The following RADIL variants were observed in gnomAD, a reference collection of about 807,000 sequenced individuals.
The protein encoded by RADIL is Rap associating with DIL domain, also known as ras-associating and dilute domain-containing protein.
Under a neutral mutation model 97.6 loss-of-function variants are expected in RADIL, and 99 were observed. That is an observed-to-expected ratio of 1.01 (90% CI 0.86 to 1.20). RADIL has a LOEUF of 1.20. Among genes scored for constraint, RADIL ranks in the 50% most tolerant of loss-of-function variants. The probability of loss-of-function intolerance (pLI) is 0.00; values close to 1 mark genes in which losing one functional copy is unlikely to be tolerated. For synonymous variants in RADIL, 803 were observed against 691.8 expected (o/e 1.16, Z -2.52); for missense variants, 1,765 against 1,498.9 (o/e 1.18, Z -2.93).
At chr7:4,823,114 G>C (rs1430005242) in intron 5 of RADIL, among the ~76,000 whole-genome samples, 2 of 152,102 alleles carry the variant, frequency 1.3e-5, no homozygotes, top group African/African-American at 4.8e-5. Flanking sequence ...TGAATCGCGG[G>C]GTAGCAGGCA....
chr7:4,799,748 C>G lies in RADIL; in HGVS notation c.3004G>C (p.Gly1002Arg). Residue 1002 changes from glycine (G) to arginine (R), a missense_variant, in exon 14 of 15, where the codon GGG becomes CGG. By Grantham distance (125) the Gly-to-Arg change is moderately radical. Transcript: ENST00000399583. ...DGMHTHLGAP[G>R]LYIQTLLPGS... ...GGGAGCAGGGTCTGGATGTAGAGCC[C>G]GGGGGCGCCCAGGTGCGTGTGCTGG... 1 of 1,547,606 alleles carries G rather than the reference C, an allele frequency of 6.5e-7. No homozygotes were observed. Among genetic ancestry groups the G allele is most frequent in the South Asian group, 1.2e-5 (1 of 84,584 alleles).
intron 9 of RADIL, 90 bp from the exon 10 acceptor site, chr7:4,805,806 A>G: frequency 6.7e-7 from 1 of 1,501,738 alleles, no homozygotes; most frequent in Non-Finnish European, 8.9e-7. Context: ...GCCTGGGGGT[A>G]GCCAGCTGAG....
At chr7:4,882,477 G>C (rs2115059407) in intron 1 of RADIL, among the ~76,000 whole-genome samples, 1 of 152,314 alleles carries the variant, frequency 6.6e-6, no homozygotes, top group Admixed American at 6.5e-5. Context: ...TCTCAAGGAA[G>C]GGTCCAGTTT....
intron 2 of RADIL, among the ~76,000 whole-genome samples, chr7:4,865,027 C>T (rs974254963): frequency 2.0e-5 from 3 of 152,236 alleles, no homozygotes; most frequent in Non-Finnish European, 4.4e-5. Context: ...GGCCTTCTTG[C>T]AGTGCCTGCC....
intron 2 of RADIL, among the ~76,000 whole-genome samples, chr7:4,846,750 T>C (rs1288383018): frequency 6.6e-6 from 1 of 151,656 alleles, no homozygotes; most frequent in African/African-American, 2.4e-5. Flanking sequence ...TTCACCATGT[T>C]GGCCAGGCTG....
chr7:4,862,019 G>T, intron 2 of RADIL: 1 of 423,152 alleles, frequency 2.4e-6, no homozygotes. Flanking sequence ...CAGCGGCTGC[G>T]TTCCAGAACC....
chr7:4,835,052 T>G lies in RADIL; in HGVS notation c.971A>C (p.His324Pro), dbSNP rs755885068. The change falls in exon 4 of 15, where the codon CAC becomes CCC. Residue 324 changes from histidine to proline, a missense_variant. By Grantham distance (77) the His-to-Pro change is moderately conservative. Coordinates refer to ENST00000399583, the MANE Select transcript of RADIL (RefSeq NM_018059.5). The surrounding 1 kb of genome is among the most constrained non-coding windows in gnomAD (Gnocchi z 5.8). ...CACCTCGGAGAAGTTGACGGAGATGTGCGCCCCGGGGATGGGCTCCAGGAC... is the reference window on the plus strand; with the variant it reads ...CACCTCGGAGAAGTTGACGGAGATGGGCGCCCCGGGGATGGGCTCCAGGAC... ...RLVLEPIPGA[H>P]ISVNFSEVGH... is the part of the protein sequence containing the mutation. 1 of 1,608,928 alleles carries G rather than the reference T, an allele frequency of 6.2e-7. No individual in the cohort carries two copies. The highest frequency in any genetic ancestry group is 2.2e-5 in the East Asian group (1 of 44,702).
chr7:4,834,908 A>C lies in RADIL; in HGVS notation c.1115T>G (p.Leu372Arg). 2 of 1,530,654 alleles carry C rather than the reference A, an allele frequency of 1.3e-6. No homozygotes were observed. Among genetic ancestry groups the C allele is most frequent in the African/African-American group, 2.7e-5 (2 of 73,182 alleles). 94.8% of individuals were successfully genotyped at this position (1,530,654 alleles called of 1,614,324 possible). ...CCGGCAGCTCTGCGGCACAGCCCGG[A>C]GGCGCGCCAAGGCCCGGGCGGGCAG... Reference protein sequence around the residue: ...QPLPARALARLRAVPQSCRLC... With the variant: ...QPLPARALARRRAVPQSCRLC... Residue 372 changes from leucine to arginine, a missense_variant, in exon 4 of 15, where the codon CTC (leucine) becomes CGC (arginine). Physicochemically the swap from Leu to Arg is moderately radical, Grantham distance 102 (BLOSUM62 -2). Coordinates refer to ENST00000399583, the MANE Select transcript of RADIL (RefSeq NM_018059.5). The surrounding 1 kb of genome is among the most constrained non-coding windows in gnomAD (Gnocchi z 6.0).
At chr7:4,851,958 C>T (rs1419329725) in intron 2 of RADIL, among the ~76,000 whole-genome samples, 1 of 152,168 alleles carries the variant, frequency 6.6e-6, no homozygotes, top group Non-Finnish European at 1.5e-5. Flanking sequence ...CAGGGTGTTC[C>T]TCATATATTT....
rs544361408 is a variant in RADIL, at chr7:4,817,725, G to A, written c.1616-374C>T. ...TCCCCACAGGTCACCTCTCACTCGC[G>A]ACACGGGTCACAGGACTCTGGCAGC... On this transcript the variant is annotated intron_variant, in intron 6 of 14. Coordinates refer to ENST00000399583, the MANE Select transcript of RADIL (RefSeq NM_018059.5). This position sits in a 1 kb window ranked among gnomAD's most constrained non-coding sequence, Gnocchi z 8.3. 7.2e-5 allele frequency among the ~76,000 whole-genome samples: 11 copies of A among 152,276 alleles called. No individual in the cohort carries two copies. Among genetic ancestry groups the A allele is most frequent in the African/African-American group, 2.4e-4 (10 of 41,558 alleles).
intron 2 of RADIL, among the ~76,000 whole-genome samples, chr7:4,851,747 T>C (rs1783714138): frequency 6.6e-6 from 1 of 152,156 alleles, no homozygotes; most frequent in South Asian, 2.1e-4. Context: ...ATTAAAGAAC[T>C]GTTCAGCAAA....
chr7:4,860,394 C>G (rs375018639), intron 2 of RADIL: 1 of 1,613,886 alleles, frequency 6.2e-7, no homozygotes, highest in African/African-American at 1.3e-5. Flanking sequence ...TTACTATTCA[C>G]TGCTTGCCTA....
At position 4,880,514 on chromosome 7, in the gene RADIL, C is replaced by G. The variant is rs146837314; in HGVS notation, c.-64-2311G>C. ...AAACCCCTCAAAGAGCCTCTCCAGC[C>G]GGCACTTATTAACCATCCATGAGAG... is the stretch of plus-strand genomic sequence containing the variant. On this transcript the variant is annotated intron_variant, in intron 1 of 14. Transcript: ENST00000399583. The surrounding 1 kb of genome is among the most constrained non-coding windows in gnomAD (Gnocchi z 4.5). 6.6e-6 allele frequency among the ~76,000 whole-genome samples: 1 copy of G among 152,156 alleles called. No homozygotes were observed. Among genetic ancestry groups the G allele is most frequent in the African/African-American group, 2.4e-5 (1 of 41,440 alleles).
chr7:4,863,625 A>G (rs1388868532), intron 2 of RADIL, among the ~76,000 whole-genome samples: 1 of 152,224 alleles, frequency 6.6e-6, no homozygotes, highest in Non-Finnish European at 1.5e-5. Flanking sequence ...GTAAGAGGAC[A>G]TGTGGTTTTC....
rs548166457 is a variant in RADIL at position 4,807,542 on chromosome 7, CCT to C, written c.2140-1828_2140-1827del. 7.8e-4 allele frequency among the ~76,000 whole-genome samples: 91 copies of C among 117,308 alleles called. 1 individual carries two copies. Among genetic ancestry groups the C allele is most frequent in the African/African-American group, 2.9e-3 (87 of 29,732 alleles). 77.0% of individuals were successfully genotyped at this position (117,308 alleles called of 152,430 possible). On this transcript the variant is annotated intron_variant, in intron 9 of 14. Transcript: ENST00000399583. ...CTCCGTCTCCCCTCCCTCCTCTCTC[CCT>C]CTGTCTCCCCTCCCTCCTCCCTCTC...
At chr7:4,805,762 AC>A in intron 9 of RADIL, 46 bp from the exon 10 acceptor site, 1 of 1,569,852 alleles carries the variant, frequency 6.4e-7, no homozygotes. Flanking sequence ...CTGGGTGCAG[AC>A]CCCAGCCCAA....
Position 4,815,874 on chromosome 7 carries a change from C to T in RADIL, c.1966+354G>A, listed in dbSNP as rs529074398. 3.9e-5 allele frequency among the ~76,000 whole-genome samples: 6 copies of T among 152,262 alleles called. No individual in the cohort carries two copies. In the South Asian group the frequency reaches 6.2e-4, roughly 16 times the overall value. ...AGGCAGGGTCCAAGGCCAGAGTCCGCGGCTGCACAGACCTGGGTTCCATCC... is the reference window on the plus strand; with the variant it reads ...AGGCAGGGTCCAAGGCCAGAGTCCGTGGCTGCACAGACCTGGGTTCCATCC... On this transcript the variant is annotated intron_variant, in intron 8 of 14. Coordinates refer to ENST00000399583, the MANE Select transcript of RADIL (RefSeq NM_018059.5). The surrounding 1 kb of genome is among the most constrained non-coding windows in gnomAD (Gnocchi z 8.0).
chr7:4,866,081 C>T (rs959992393), intron 2 of RADIL, among the ~76,000 whole-genome samples: 8 of 152,124 alleles, frequency 5.3e-5, no homozygotes, highest in African/African-American at 1.9e-4. Context: ...CCATCATTAA[C>T]GATGCATGAC....
chr7:4,813,757 C>T lies in RADIL; in HGVS notation c.2139+1521G>A, dbSNP rs963592987. Among the ~76,000 whole-genome samples the T allele has an allele frequency of 2.0e-5, 3 of 152,228 alleles. No individual in the cohort carries two copies. Among genetic ancestry groups the T allele is most frequent in the East Asian group, 3.8e-4 (2 of 5,200 alleles). On this transcript the variant is annotated intron_variant, in intron 9 of 14. Transcript: ENST00000399583. This position sits in a 1 kb window ranked among gnomAD's most constrained non-coding sequence, Gnocchi z 5.0. ...GACTTTGTGTTTCTTTCCGGCTGTG[C>T]GGGCTGTCCTCAGTGGAACTGCAGG...
Sources: allele counts gnomAD v4.1 joint callset (sites outside exome capture counted in the v4.1 genomes callset), GRCh38; gene constraint gnomAD v4.1.1; non-coding constraint Gnocchi (gnomAD v3.1); transcripts MANE v1.5; gene names NCBI Gene and HGNC (gene_info 2026-07-23, HGNC 2026-07-21).